Variants in NRDC observed in about 807,000 individuals in gnomAD.
The protein encoded by NRDC is nardilysin convertase.
In NRDC, 54 loss-of-function variants were observed where a neutral mutation model predicts 147.1. The observed-to-expected ratio is 0.37, with a 90% CI of 0.29 to 0.46. The LOEUF is 0.46. NRDC is among the 20% of genes least tolerant of loss of function. The pLI is 1.00. For missense variants in NRDC, 1,082 were observed against 1,370.6 expected, an observed-to-expected ratio of 0.79 and a Z score of 3.33; for synonymous variants, 440 against 482.1, an observed-to-expected ratio of 0.91 and a Z score of 1.14.
intron 24 of NRDC, among the ~76,000 whole-genome samples, chr1:51,793,323 T>C (rs1571835707): frequency 6.6e-6 from 1 of 152,126 alleles, no homozygotes; most frequent in Non-Finnish European, 1.5e-5. Flanking sequence ...GCACTGAAAA[T>C]GTAGACTAGG....
At chr1:51,810,624 A>G (rs1679673294) in intron 15 of NRDC, among the ~76,000 whole-genome samples, 1 of 152,250 alleles carries the variant, frequency 6.6e-6, no homozygotes, top group African/African-American at 2.4e-5. Context: ...TATATTCTTG[A>G]TAATGCTTTA....
intron 1 of NRDC, among the ~76,000 whole-genome samples, chr1:51,874,530 G>A (rs994933265): frequency 6.6e-6 from 1 of 151,988 alleles, no homozygotes; most frequent in African/African-American, 2.4e-5. Context: ...GATCACCTAA[G>A]CCTGGGAGGT....
chr1:51,824,912 C>T (rs369163866), intron 6 of NRDC, among the ~76,000 whole-genome samples: 2 of 152,186 alleles, frequency 1.3e-5, no homozygotes, highest in East Asian at 1.9e-4. Context: ...CTCAGCCTCC[C>T]AAAGCATTGG....
At chr1:51,841,210 G>T (rs1218687175) in intron 1 of NRDC, among the ~76,000 whole-genome samples, 1 of 152,140 alleles carries the variant, frequency 6.6e-6, no homozygotes, top group African/African-American at 2.4e-5. Context: ...TTACAGGCAT[G>T]TGCCACCATC....
At position 51,811,977 on chromosome 1, in the gene NRDC, C is replaced by T. The variant is rs375312660; in HGVS notation, c.1779+17G>A. ...TCTTCCCCTAAAAGTAAGTTTTAGA[C>T]GTATAAACCTCCTTACTTCTGGCTT... is the stretch of plus-strand genomic sequence containing the variant. On this transcript the variant is annotated intron_variant, in intron 15 of 30. Transcript: ENST00000352171. The T allele has an allele frequency of 3.1e-5, 48 of 1,548,670 alleles. No homozygotes were observed. In the African/African-American group the frequency reaches 4.5e-4, roughly 14 times the overall value.
chr1:51,825,405 T>A (rs1203088017), intron 5 of NRDC, 23 bp from the exon 6 acceptor site: 3 of 1,532,068 alleles, frequency 2.0e-6, no homozygotes, highest in Non-Finnish European at 2.7e-6. Context: ...AATAAACACA[T>A]AATAAAACAA....
chr1:51,819,376 T>C (rs1394187258), intron 9 of NRDC, among the ~76,000 whole-genome samples: 1 of 152,190 alleles, frequency 6.6e-6, no homozygotes, highest in Non-Finnish European at 1.5e-5. Context: ...TCCCATTTCT[T>C]GACATTTTAT....
chr1:51,850,309 A>G (rs1681885509), intron 1 of NRDC, among the ~76,000 whole-genome samples: 1 of 151,844 alleles, frequency 6.6e-6, no homozygotes, highest in African/African-American at 2.4e-5. Context: ...CAGTGTATAT[A>G]ATACTGTTAC....
chr1:51,860,938 A>C (rs1252958069), intron 1 of NRDC, among the ~76,000 whole-genome samples: 1 of 151,612 alleles, frequency 6.6e-6, no homozygotes. Context: ...AGATGTTCCA[A>C]GTGGTATTAC....
intron 2 of NRDC, chr1:51,837,487 C>T (rs768886782): frequency 1.3e-6 from 2 of 1,580,490 alleles, no homozygotes; most frequent in South Asian, 2.3e-5. Context: ...GGTGCCTAAC[C>T]TGCTTTCAGC....
chr1:51,834,380 ACT>A (rs1419056396), intron 3 of NRDC, among the ~76,000 whole-genome samples: 9 of 151,240 alleles, frequency 6.0e-5, no homozygotes, highest in African/African-American at 2.2e-4. Flanking sequence ...CTCACTGCAA[ACT>A]CTGCCTCCTG....
intron 4 of NRDC, among the ~76,000 whole-genome samples, chr1:51,829,965 C>CTTTTTTTT (rs941972546): frequency 7.6e-6 from 1 of 131,254 alleles, no homozygotes; most frequent in Non-Finnish European, 1.6e-5. Context: ...TCTTTTATTT[C>CTTTTTTTT]TTTTTTTTTT....
At position 51,871,963 on chromosome 1, in the gene NRDC, C is replaced by G. The variant is rs1683106297; in HGVS notation, c.341+6312G>C. Among the ~76,000 whole-genome samples the G allele has an allele frequency of 2.6e-5, 4 of 152,184 alleles. No individual in the cohort carries two copies. In the South Asian group the frequency reaches 8.3e-4, roughly 32 times the overall value. ...CTTGACTCACTGCAACCTCTGCCTC[C>G]CGGGTTCAAGCGATTCTCCTGCCTC... On this transcript the variant is annotated intron_variant, in intron 1 of 30. Transcript: ENST00000352171.
intron 2 of NRDC, chr1:51,839,944 A>C (rs939783476): frequency 1.7e-5 from 4 of 242,348 alleles, no homozygotes; most frequent in Non-Finnish European, 3.1e-5. Context: ...AAATACACAT[A>C]AATTCAAATA....
chr1:51,878,324 C>A lies in NRDC; in HGVS notation c.292G>T (p.Ala98Ser). The A allele has an allele frequency of 6.2e-7, 1 of 1,614,132 alleles. No homozygotes were observed. The highest frequency in any genetic ancestry group is 8.5e-7 in the Non-Finnish European group (1 of 1,180,020). Residue 98 changes from alanine to serine, a missense_variant, in exon 1 of 31, where the codon GCT (alanine) becomes TCT (serine). Physicochemically the swap from Ala to Ser is moderately conservative, Grantham distance 99. Transcript: ENST00000352171. ...GACTTGACGATCTCAGGGTCCCCAG[C>A]ATTACTGAGAGACCCCCTCCGTCCC... is the stretch of plus-strand genomic sequence containing the variant. ...EEGRRGSLSNAGDPEIVKSPS... is the reference protein window; with the variant it reads ...EEGRRGSLSNSGDPEIVKSPS...
chr1:51,836,015 C>A lies in NRDC; in HGVS notation c.712+116G>T, dbSNP rs1571883482. The A allele has an allele frequency of 1.0e-5, 8 of 787,134 alleles. No homozygotes were observed. The East Asian group carries it at 2.1e-4, about 21-fold the overall frequency. 48.8% of individuals were successfully genotyped at this position (787,134 alleles called of 1,614,324 possible). A position where few individuals can be genotyped will look rare whatever the true frequency, so the allele number is the denominator to read the frequency against. On this transcript the variant is annotated intron_variant, in intron 3 of 30. Transcript: ENST00000352171. ...ATCAAGGATTTTTTCTTAGCCTTTT[C>A]TCTTGCTAAATATATCATACTTCTG...
chr1:51,827,757 A>G (rs769073786), intron 5 of NRDC, 39 bp downstream of exon 5: 2 of 1,512,146 alleles, frequency 1.3e-6, no homozygotes, highest in Non-Finnish European at 1.8e-6. Context: ...GGTTTCATGA[A>G]GGAAAAAACT....
intron 2 of NRDC, 87 bp from the exon 3 acceptor site, chr1:51,836,299 G>A: frequency 3.2e-6 from 5 of 1,578,152 alleles, no homozygotes; most frequent in Non-Finnish European, 4.4e-6. Context: ...ATTTGGAGAT[G>A]GATGTTTTCC....
intron 1 of NRDC, among the ~76,000 whole-genome samples, chr1:51,848,260 G>A (rs1469908885): frequency 1.3e-5 from 2 of 152,192 alleles, no homozygotes; most frequent in African/African-American, 2.4e-5. Flanking sequence ...CGGATCACAA[G>A]GTCAGAATAT....
Sources: gnomAD v4.1 joint callset for allele counts (sites outside exome capture counted in the v4.1 genomes callset) on GRCh38, gnomAD v4.1.1 for gene constraint, MANE v1.5 for transcripts, NCBI Gene and HGNC (gene_info 2026-07-23, HGNC 2026-07-21) for gene names.